Variants in PTPRN2 observed in about 807,000 individuals in gnomAD.
PTPRN2 encodes the protein receptor-type tyrosine-protein phosphatase N2.
In PTPRN2, 74 loss-of-function variants were observed where a neutral mutation model predicts 118.8. The ratio of observed to expected loss-of-function variants is 0.62; its 90% CI spans 0.52 to 0.76. The LOEUF is 0.76. Among genes scored for constraint, PTPRN2 ranks in the 30% least tolerant of loss-of-function variants. The pLI is 0.00. For synonymous variants in PTPRN2, 641 were observed against 608.0 expected, an observed-to-expected ratio of 1.05 and a Z score of -0.80; for missense variants, 1,481 against 1,394.4, an observed-to-expected ratio of 1.06 and a Z score of -0.99.
intron 14 of PTPRN2, among the ~76,000 whole-genome samples, chr7:157,644,031 T>G (rs1804870640): frequency 6.6e-6 from 1 of 152,254 alleles, no homozygotes; most frequent in South Asian, 2.1e-4. Context: ...AACACTGGTG[T>G]GCATCAGGCG....
intron 13 of PTPRN2, among the ~76,000 whole-genome samples, chr7:157,679,797 C>T (rs1018570779): frequency 6.6e-6 from 1 of 152,186 alleles, no homozygotes; most frequent in Non-Finnish European, 1.5e-5. Flanking sequence ...AGGTTGGCAA[C>T]ATGAGGGCCC....
chr7:158,496,759 T>C (rs190816665), intron 1 of PTPRN2, among the ~76,000 whole-genome samples: 17 of 186 alleles, frequency 0.091, 2 homozygotes, highest in East Asian at 0.75. Context: ...ACCTTCCCTG[T>C]GCCCCCCTCC....
At chr7:158,300,563 C>CGCCCGCCACCCAGTCCCGCAGCGCCTT (rs1800818005) in intron 3 of PTPRN2, among the ~76,000 whole-genome samples, 4 of 151,888 alleles carry the variant, frequency 2.6e-5, no homozygotes, top group African/African-American at 9.7e-5. Flanking sequence ...CACAGCGCCT[C>CGCCCGCCACCCAGTCCCGCAGCGCCTT]GCCCGCCACC....
At chr7:157,918,801 G>A (rs770025389) in intron 11 of PTPRN2, among the ~76,000 whole-genome samples, 8 of 152,216 alleles carry the variant, frequency 5.3e-5, no homozygotes, top group Non-Finnish European at 1.0e-4. Flanking sequence ...AAATTAATAA[G>A]GAAGAAGTGA....
intron 1 of PTPRN2, among the ~76,000 whole-genome samples, chr7:158,577,530 G>A (rs940079130): frequency 6.7e-6 from 1 of 148,456 alleles, no homozygotes; most frequent in Non-Finnish European, 1.5e-5. Context: ...AAACAGCATG[G>A]GGCCTGCACA....
Position 157,540,731 on chromosome 7 carries a change from T to C in PTPRN2, c.3031A>G (p.Lys1011Glu). ...GCTGCCGCTCACTGGGGAAGGGCCT[T>C]GAGGATGGCGTTCACCTCCTCAGCC... is the stretch of plus-strand genomic sequence containing the variant. ...AVAEEVNAIL[K>E]ALPQ The change falls in exon 23 of 23, where the codon AAG (lysine) becomes GAG (glutamate). Residue 1011 changes from lysine to glutamate, a missense_variant. Around this residue, in one of 3 missense-constraint regions of PTPRN2, gnomAD observed 362 missense variants for 384.1 expected, o/e 0.94. Coordinates refer to ENST00000389418, the MANE Select transcript of PTPRN2 (RefSeq NM_002847.5). 6.4e-6 allele frequency: 10 copies of C among 1,566,692 alleles called. No homozygotes were observed. Among genetic ancestry groups the C allele is most frequent in the Non-Finnish European group, 7.8e-6 (9 of 1,155,408 alleles).
At chr7:157,688,429 A>C (rs1486105982) in intron 12 of PTPRN2, among the ~76,000 whole-genome samples, 1 of 152,228 alleles carries the variant, frequency 6.6e-6, no homozygotes, top group Non-Finnish European at 1.5e-5. Flanking sequence ...GAGGCTGAGC[A>C]GGGGAAGGAT....
intron 6 of PTPRN2, among the ~76,000 whole-genome samples, chr7:158,140,467 G>A (rs1021463717): frequency 1.2e-4 from 19 of 152,304 alleles, no homozygotes; most frequent in South Asian, 4.1e-4. Context: ...CCATGTGCCC[G>A]GCAGCAGGAG....
intron 13 of PTPRN2, among the ~76,000 whole-genome samples, chr7:157,661,688 C>T (rs1044601577): frequency 1.3e-5 from 2 of 152,110 alleles, no homozygotes; most frequent in African/African-American, 4.8e-5. Flanking sequence ...GGTGGGGAAG[C>T]CGGGTCCTGG....
chr7:158,532,026 G>A (rs1291184631), intron 1 of PTPRN2, among the ~76,000 whole-genome samples: 1 of 152,164 alleles, frequency 6.6e-6, no homozygotes, highest in Non-Finnish European at 1.5e-5. Flanking sequence ...CAGATAAACC[G>A]GCTTATTTTA....
intron 12 of PTPRN2, among the ~76,000 whole-genome samples, chr7:157,832,216 C>T (rs1807614531): frequency 6.6e-6 from 1 of 152,146 alleles, no homozygotes; most frequent in Admixed American, 6.5e-5. Context: ...GCACCAGGCT[C>T]GATGCTGCAT....
At chr7:158,344,057 AC>A (rs762227486) in intron 2 of PTPRN2, among the ~76,000 whole-genome samples, 47 of 151,760 alleles carry the variant, frequency 3.1e-4, no homozygotes, top group Non-Finnish European at 5.1e-4. Flanking sequence ...TGCCACCCAG[AC>A]CCCCATACGA....
At chr7:158,147,960 C>T (rs868662302) in intron 6 of PTPRN2, among the ~76,000 whole-genome samples, 2 of 68,036 alleles carry the variant, frequency 2.9e-5, no homozygotes, top group African/African-American at 6.5e-5. Flanking sequence ...CCATCTCACG[C>T]CAGGTGTCTT....
At chr7:158,047,750 C>G (rs1808993007) in intron 11 of PTPRN2, among the ~76,000 whole-genome samples, 2 of 152,234 alleles carry the variant, frequency 1.3e-5, no homozygotes, top group South Asian at 4.1e-4. Flanking sequence ...CTAGAAGCAG[C>G]TGAGGTCCAT....
chr7:158,220,897 C>T (rs1828313673), intron 3 of PTPRN2, among the ~76,000 whole-genome samples: 1 of 144,572 alleles, frequency 6.9e-6, no homozygotes, highest in African/African-American at 2.5e-5. Context: ...AAAAAAAAGG[C>T]TGAATAGCCA....
intron 15 of PTPRN2, 37 bp downstream of exon 15, chr7:157,621,325 G>A (rs1393211475): frequency 6.9e-6 from 11 of 1,596,266 alleles, no homozygotes; most frequent in South Asian, 1.1e-5. Flanking sequence ...TCCACCGCCC[G>A]TAACCCAGGC....
rs1194093497 is a variant in PTPRN2, at chr7:157,615,834, C to T, written c.2344+5528G>A. On this transcript the variant is annotated intron_variant, in intron 15 of 22. Transcript: ENST00000389418. This position sits in a 1 kb window ranked among gnomAD's most constrained non-coding sequence, Gnocchi z 4.3. ...TGTCACCAACGGGGGGTGGGGGGTG[C>T]GCGAGGCCCTGGGCTCCACCGAAGA... is the stretch of plus-strand genomic sequence containing the variant. 7 of 356,426 alleles carry T rather than the reference C, an allele frequency of 2.0e-5. No homozygotes were observed. Among genetic ancestry groups the T allele is most frequent in the East Asian group, 7.4e-5 (1 of 13,480 alleles). 22.1% of individuals were successfully genotyped at this position (356,426 alleles called of 1,614,324 possible). A position where few individuals can be genotyped will look rare whatever the true frequency, so the allele number is the denominator to read the frequency against.
intron 11 of PTPRN2, among the ~76,000 whole-genome samples, chr7:158,031,413 C>A (rs60273347): frequency 6.6e-6 from 1 of 152,140 alleles, no homozygotes. Context: ...AATAAAGCCA[C>A]AGAAATGCTC....
intron 2 of PTPRN2, among the ~76,000 whole-genome samples, chr7:158,342,837 G>A (rs150554308): frequency 3.9e-4 from 60 of 152,212 alleles, no homozygotes; most frequent in East Asian, 7.7e-4. Flanking sequence ...CCAGACCACC[G>A]GGAGCTCAGG....
Sources: allele counts gnomAD v4.1 joint callset (sites outside exome capture counted in the v4.1 genomes callset), GRCh38; gene constraint gnomAD v4.1.1; regional missense constraint gnomAD v4.1.1; non-coding constraint Gnocchi (gnomAD v3.1); transcripts MANE v1.5; gene names NCBI Gene and HGNC (gene_info 2026-07-23, HGNC 2026-07-21).